The following TLR2 variants were observed in gnomAD, a reference collection of about 807,000 sequenced individuals.
TLR2 encodes the protein toll-like receptor 2.
In TLR2, 7 loss-of-function variants were observed where a neutral mutation model predicts 9.1. The observed-to-expected ratio is 0.77, with a 90% CI of 0.44 to 1.44. The LOEUF (loss-of-function observed/expected upper bound fraction) is 1.44, where lower values mean the gene tolerates loss of function less well. Among genes scored for constraint, TLR2 ranks in the 40% most tolerant of loss-of-function variants. The pLI, the probability that TLR2 is intolerant of heterozygous loss-of-function variation, is 0.01. For synonymous variants in TLR2, 317 were observed against 344.6 expected, an observed-to-expected ratio of 0.92 and a Z score of 0.89; for missense variants, 812 against 904.6, an observed-to-expected ratio of 0.90 and a Z score of 1.31.
At chr4:153,689,912 A>G (rs184101218) in intron 2 of TLR2, among the ~76,000 whole-genome samples, 1 of 152,270 alleles carries the variant, frequency 6.6e-6, no homozygotes, top group East Asian at 1.9e-4. Flanking sequence ...TGCTCGTGAT[A>G]GTTTGGGTCC....
Position 153,705,098 on chromosome 4 carries a change from G to A in TLR2, c.2191G>A (p.Ala731Thr), listed in dbSNP as rs760789137. The A allele has an allele frequency of 6.2e-7, 1 of 1,614,160 alleles. No homozygotes were observed. Among genetic ancestry groups the A allele is most frequent in the Non-Finnish European group, 8.5e-7 (1 of 1,180,028 alleles). The stretch of plus-strand genomic sequence containing the variant: ...CCGTCTTTTTGATGAGAACAATGAT[G>A]CTGCCATTCTCATTCTTCTGGAGCC... ...HFRLFDENNDAAILILLEPIE... is the reference protein window; with the variant it reads ...HFRLFDENNDTAILILLEPIE... Residue 731 changes from alanine (A) to threonine (T), a missense_variant, in exon 3 of 3, where the codon GCT becomes ACT. Coordinates refer to ENST00000642700, the MANE Select transcript of TLR2 (RefSeq NM_001318789.2).
chr4:153,690,470 C>T, intron 2 of TLR2, among the ~76,000 whole-genome samples: 1 of 152,254 alleles, frequency 6.6e-6, no homozygotes, highest in East Asian at 1.9e-4. Flanking sequence ...GAATTCCTAT[C>T]ACCACAAAAC....
intron 2 of TLR2, among the ~76,000 whole-genome samples, chr4:153,698,856 G>A (rs1053187696): frequency 6.6e-6 from 1 of 152,154 alleles, no homozygotes; most frequent in Admixed American, 6.5e-5. Flanking sequence ...AGATTTCACT[G>A]ATATTCCAAG....
intron 2 of TLR2, 106 bp from the exon 3 acceptor site, chr4:153,702,761 TTTGTGTGTGTGTGTGTGTGTGTGTG>T: frequency 1.8e-6 from 1 of 541,192 alleles, no homozygotes; most frequent in Non-Finnish European, 2.9e-6. Context: ...TCTCTCTCTC[TTTGTGTGTGTGTGTGTGTGTGTGTG>T]TGTGTGTGTG....
downstream of TLR2, chr4:153,710,590 T>C (rs1579018706): frequency 1.3e-5 from 15 of 1,135,708 alleles, no homozygotes; most frequent in East Asian, 3.9e-4. Flanking sequence ...GAATGGGTAT[T>C]TCCTTTCTTG....
downstream of TLR2, among the ~76,000 whole-genome samples, chr4:153,707,480 G>A (rs1165310328): frequency 1.3e-5 from 2 of 152,066 alleles, no homozygotes; most frequent in Non-Finnish European, 2.9e-5. Flanking sequence ...AGCCCGGGAG[G>A]TCCAGGCTGC....
At chr4:153,690,778 A>C (rs184181494) in intron 2 of TLR2, among the ~76,000 whole-genome samples, 2 of 152,226 alleles carry the variant, frequency 1.3e-5, no homozygotes, top group Admixed American at 1.3e-4. Context: ...TTAAATTGTG[A>C]AAGTGTCTAG....
At chr4:153,688,493 C>T (rs1359903739) in intron 2 of TLR2, 1 of 152,114 alleles carries the variant, frequency 6.6e-6, no homozygotes. Context: ...AGCTGAGAGC[C>T]CCTAACAGAG....
downstream of TLR2, among the ~76,000 whole-genome samples, chr4:153,707,400 A>G (rs1053436692): frequency 6.6e-6 from 1 of 152,072 alleles, no homozygotes; most frequent in African/African-American, 2.4e-5. Flanking sequence ...AATACAAAAT[A>G]TTAGCAGGGC....
At chr4:153,699,767 G>A (rs1338969328) in intron 2 of TLR2, among the ~76,000 whole-genome samples, 1 of 152,146 alleles carries the variant, frequency 6.6e-6, no homozygotes, top group Non-Finnish European at 1.5e-5. Context: ...GATGATTGGG[G>A]ATACAGAAAA....
chr4:153,703,370 A>G lies in TLR2; in HGVS notation c.463A>G (p.Arg155Gly). 1.9e-6 allele frequency: 3 copies of G among 1,614,120 alleles called. No individual in the cohort carries two copies. The highest frequency in any genetic ancestry group is 2.5e-6 in the Non-Finnish European group (3 of 1,180,030). Residue 155 changes from arginine to glycine, a missense_variant, in exon 3 of 3, where the codon AGA becomes GGA. Physicochemically the swap from Arg to Gly is moderately radical, Grantham distance 125. Coordinates refer to ENST00000642700, the MANE Select transcript of TLR2 (RefSeq NM_001318789.2). ...TCATCTCACAAAATTGCAAATCCTG[A>G]GAGTGGGAAATATGGACACCTTCAC... is the stretch of plus-strand genomic sequence containing the variant. ...FSHLTKLQIL[R>G]VGNMDTFTKI...
chr4:153,696,368 A>G (rs1301536527), intron 2 of TLR2, among the ~76,000 whole-genome samples: 1 of 152,012 alleles, frequency 6.6e-6, no homozygotes, highest in Non-Finnish European at 1.5e-5. Context: ...ATCAGTGTTT[A>G]TAGTGTTTCT....
At chr4:153,689,781 A>G (rs537859661) in intron 2 of TLR2, among the ~76,000 whole-genome samples, 15 of 152,324 alleles carry the variant, frequency 9.8e-5, no homozygotes, top group African/African-American at 3.6e-4. Flanking sequence ...GATCACTGCT[A>G]TCATAGCTAT....
chr4:153,705,117 T>C lies in TLR2; in HGVS notation c.2210T>C (p.Leu737Pro). Residue 737 changes from leucine to proline, a missense_variant, in exon 3 of 3, where the codon CTG becomes CCG. Coordinates refer to ENST00000642700, the MANE Select transcript of TLR2 (RefSeq NM_001318789.2). ...ENNDAAILILLEPIEKKAIPQ... is the reference protein window; with the variant it reads ...ENNDAAILILPEPIEKKAIPQ... ...AATGATGCTGCCATTCTCATTCTTCTGGAGCCCATTGAGAAAAAAGCCATT... is the reference window on the plus strand; with the variant it reads ...AATGATGCTGCCATTCTCATTCTTCCGGAGCCCATTGAGAAAAAAGCCATT... 6.2e-7 allele frequency: 1 copy of C among 1,614,200 alleles called. No individual in the cohort carries two copies. The highest frequency in any genetic ancestry group is 8.5e-7 in the Non-Finnish European group (1 of 1,180,044).
At chr4:153,691,762 T>C (rs992001575) in intron 2 of TLR2, among the ~76,000 whole-genome samples, 2 of 152,148 alleles carry the variant, frequency 1.3e-5, no homozygotes, top group African/African-American at 4.8e-5. Context: ...TTTTTGAAAG[T>C]CATTTAATGT....
intron 1 of TLR2, among the ~76,000 whole-genome samples, chr4:153,687,337 A>C (rs565454179): frequency 1.3e-5 from 2 of 152,194 alleles, no homozygotes; most frequent in Non-Finnish European, 2.9e-5. Context: ...ATAGAAATTA[A>C]TGTGCTAGAA....
At position 153,705,171 on chromosome 4, in the gene TLR2, T is replaced by C; in HGVS notation, c.2264T>C (p.Ile755Thr). The change falls in exon 3 of 3, where the codon ATA (isoleucine) becomes ACA (threonine). Residue 755 changes from isoleucine (I) to threonine (T), a missense_variant. Ile to Thr is a moderately conservative substitution (Grantham distance 89). Coordinates refer to ENST00000642700, the MANE Select transcript of TLR2 (RefSeq NM_001318789.2). ...CAGCGCTTCTGCAAGCTGCGGAAGA[T>C]AATGAACACCAAGACCTACCTGGAG... The part of the protein sequence containing the change: ...IPQRFCKLRK[I>T]MNTKTYLEWP... 6.2e-7 allele frequency: 1 copy of C among 1,614,138 alleles called. No homozygotes were observed. Among genetic ancestry groups the C allele is most frequent in the Non-Finnish European group, 8.5e-7 (1 of 1,180,004 alleles).
chr4:153,697,897 C>T (rs556064546), intron 2 of TLR2, among the ~76,000 whole-genome samples: 4 of 152,166 alleles, frequency 2.6e-5, no homozygotes, highest in East Asian at 1.9e-4. Context: ...TTCTAATTAT[C>T]GTGAAATATT....
chr4:153,706,787 C>A (rs1472984179), downstream of TLR2, among the ~76,000 whole-genome samples: 1 of 152,178 alleles, frequency 6.6e-6, no homozygotes, highest in African/African-American at 2.4e-5. Context: ...GATGTGTAAT[C>A]TTTGGCAAGT....
Sources: allele counts gnomAD v4.1 joint callset (sites outside exome capture counted in the v4.1 genomes callset), GRCh38; gene constraint gnomAD v4.1.1; transcripts MANE v1.5; gene names NCBI Gene and HGNC (gene_info 2026-07-23, HGNC 2026-07-21).